LRP1B: variants seen among roughly 807,000 people sequenced by gnomAD.
The protein encoded by LRP1B is LDL receptor related protein 1B.
LRP1B carries 217 observed loss-of-function variants against 556.6 expected under a neutral mutation model. The observed-to-expected ratio is 0.39, with a 90% confidence interval of 0.35 to 0.44. The LOEUF is 0.44. Ranked by LOEUF, LRP1B falls within the 20% of genes least tolerant of loss-of-function variation. The pLI, the probability that LRP1B is intolerant of heterozygous loss-of-function variation, is 1.00. For synonymous variants in LRP1B, 2,047 were observed against 1,865.8 expected, an observed-to-expected ratio of 1.10 and a Z score of -2.50; for missense variants, 5,053 against 5,620.8, an observed-to-expected ratio of 0.90 and a Z score of 3.23.
intron 7 of LRP1B, among the ~76,000 whole-genome samples, chr2:141,158,321 C>A (rs1333381769): frequency 6.6e-6 from 1 of 152,102 alleles, no homozygotes; most frequent in African/African-American, 2.4e-5. Flanking sequence ...GAACTCAAAT[C>A]ATATAATAAA....
intron 30 of LRP1B, 36 bp downstream of exon 30, chr2:140,840,882 T>C (rs1573790015): frequency 2.1e-6 from 3 of 1,417,274 alleles, no homozygotes; most frequent in Non-Finnish European, 9.2e-7. Flanking sequence ...GTCTATGAAA[T>C]TTTGGAAAAA....
At chr2:141,472,292 T>A (rs997029202) in intron 3 of LRP1B, among the ~76,000 whole-genome samples, 6 of 152,198 alleles carry the variant, frequency 3.9e-5, no homozygotes, top group African/African-American at 1.4e-4. Context: ...ATGCCTGTAA[T>A]CCTAGCACTT....
At chr2:140,824,367 G>A (rs186388045) in intron 31 of LRP1B, among the ~76,000 whole-genome samples, 216 of 152,080 alleles carry the variant, frequency 1.4e-3, no homozygotes, top group African/African-American at 4.2e-3. Context: ...AGGGATTACT[G>A]TAAAAATTTT....
At chr2:141,700,610 G>A (rs192348767) in intron 2 of LRP1B, among the ~76,000 whole-genome samples, 1 of 151,794 alleles carries the variant, frequency 6.6e-6, no homozygotes, top group East Asian at 2.0e-4. Context: ...CTTCTCCTGC[G>A]CTATTTCTCA....
At chr2:141,293,962 C>T (rs1686081201) in intron 3 of LRP1B, among the ~76,000 whole-genome samples, 1 of 152,142 alleles carries the variant, frequency 6.6e-6, no homozygotes, top group African/African-American at 2.4e-5. Flanking sequence ...CATGTAGGTA[C>T]ACATCTATTA....
At chr2:141,679,904 T>C (rs1428173465) in intron 2 of LRP1B, among the ~76,000 whole-genome samples, 2 of 151,388 alleles carry the variant, frequency 1.3e-5, no homozygotes, top group Admixed American at 6.6e-5. Context: ...TATGAATAGA[T>C]ACAAATATTA....
At chr2:140,613,056 T>C (rs1683123867) in intron 41 of LRP1B, among the ~76,000 whole-genome samples, 1 of 151,358 alleles carries the variant, frequency 6.6e-6, no homozygotes. Flanking sequence ...TATGTTTTTG[T>C]TTCTCTCTTT....
At chr2:140,999,860 A>G (rs1416287122) in intron 15 of LRP1B, among the ~76,000 whole-genome samples, 1 of 149,914 alleles carries the variant, frequency 6.7e-6, no homozygotes, top group Non-Finnish European at 1.5e-5. Flanking sequence ...GAGGAAAACC[A>G]ATACTGAAAA....
At chr2:141,254,682 A>G (rs745811384) in intron 3 of LRP1B, 41 bp from the exon 4 acceptor site, 11 of 1,452,974 alleles carry the variant, frequency 7.6e-6, no homozygotes, top group Non-Finnish European at 9.5e-6. Context: ...ATTTAACTGT[A>G]TATGTAAATA....
intron 51 of LRP1B, among the ~76,000 whole-genome samples, chr2:140,513,668 C>A (rs1379956034): frequency 8.4e-6 from 1 of 118,508 alleles, no homozygotes; most frequent in Non-Finnish European, 1.9e-5. Flanking sequence ...AAGAGAACTT[C>A]AGTTGAGCTT....
intron 2 of LRP1B, among the ~76,000 whole-genome samples, chr2:141,685,801 G>A (rs1259729298): frequency 1.3e-5 from 2 of 151,912 alleles, no homozygotes; most frequent in Non-Finnish European, 1.5e-5. Context: ...TAAGTTAGCA[G>A]GCTGATTTCA....
chr2:141,305,345 T>C (rs113951845), intron 3 of LRP1B, among the ~76,000 whole-genome samples: 1 of 152,172 alleles, frequency 6.6e-6, no homozygotes, highest in Admixed American at 6.5e-5. Context: ...ATTTTATTTT[T>C]GTAGCTATTG....
intron 3 of LRP1B, among the ~76,000 whole-genome samples, chr2:141,282,489 G>A (rs191414924): frequency 6.6e-6 from 1 of 150,446 alleles, no homozygotes; most frequent in African/African-American, 2.4e-5. Flanking sequence ...ATATGTATAT[G>A]TATATGTATA....
chr2:141,901,710 A>G (rs1699623430), intron 1 of LRP1B, among the ~76,000 whole-genome samples: 1 of 151,916 alleles, frequency 6.6e-6, no homozygotes, highest in African/African-American at 2.4e-5. Context: ...AATTCATGAA[A>G]CCATTATTTG....
At position 140,794,952 on chromosome 2, in the gene LRP1B, T is replaced by A. The variant is rs62173601; in HGVS notation, c.5359+18705A>T. Reference sequence around the variant, plus strand: ...ACTATGGAGCTTTTATATATTCTACTGTTCCTCTAATGGAACTATAAGAAA... The same window carrying A: ...ACTATGGAGCTTTTATATATTCTACAGTTCCTCTAATGGAACTATAAGAAA... On this transcript the variant is annotated intron_variant, in intron 32 of 90. Coordinates refer to ENST00000389484, the MANE Select transcript of LRP1B (RefSeq NM_018557.3). Among the ~76,000 whole-genome samples, 829 of 152,296 alleles carry A rather than the reference T, an allele frequency of 5.4e-3. 4 individuals carry two copies. The highest frequency in any genetic ancestry group is 8.0e-3 in the Non-Finnish European group (544 of 68,028).
chr2:141,128,917 A>G lies in LRP1B; in HGVS notation c.1013+59504T>C, dbSNP rs1044809733. On this transcript the variant is annotated intron_variant, in intron 7 of 90. Coordinates refer to ENST00000389484, the MANE Select transcript of LRP1B (RefSeq NM_018557.3). ...AAGTTATATCATCCTACTAATTCTAATTACCTAAGTGCCTAAAGATATTGC... is the reference window on the plus strand; with the variant it reads ...AAGTTATATCATCCTACTAATTCTAGTTACCTAAGTGCCTAAAGATATTGC... Among the ~76,000 whole-genome samples the G allele has an allele frequency of 2.0e-5, 3 of 152,306 alleles. No individual in the cohort carries two copies. The East Asian group carries it at 5.8e-4, about 29-fold the overall frequency.
At chr2:141,639,349 T>TATATATACACAC (rs1262198983) in intron 2 of LRP1B, among the ~76,000 whole-genome samples, 7 of 56,090 alleles carry the variant, frequency 1.2e-4, no homozygotes, top group Admixed American at 2.6e-4. Context: ...TATATATATA[T>TATATATACACAC]ACACACACAC....
rs950862653 is a variant in LRP1B, at chr2:140,237,994, T to C, written c.13560+158A>G. Among the ~76,000 whole-genome samples, 3 of 150,852 alleles carry C rather than the reference T, an allele frequency of 2.0e-5. No individual in the cohort carries two copies. In the Admixed American group the frequency reaches 2.0e-4, roughly 10 times the overall value. Reference sequence around the variant, plus strand: ...TTCAGGTGAATGCAGTCCATAATTGTACTTTCTCTTTAGAAGAGGCTATAT... The same window carrying C: ...TTCAGGTGAATGCAGTCCATAATTGCACTTTCTCTTTAGAAGAGGCTATAT... On this transcript the variant is annotated intron_variant, in intron 89 of 90. Transcript: ENST00000389484.
intron 23 of LRP1B, among the ~76,000 whole-genome samples, chr2:140,902,719 C>A (rs562865152): frequency 8.6e-4 from 130 of 152,036 alleles, no homozygotes; most frequent in Non-Finnish European, 1.7e-3. Flanking sequence ...CTGATGGTAA[C>A]AATTCAATGG....
Sources: gnomAD v4.1 joint callset for allele counts (sites outside exome capture counted in the v4.1 genomes callset) on GRCh38, gnomAD v4.1.1 for gene constraint, MANE v1.5 for transcripts, NCBI Gene and HGNC (gene_info 2026-07-23, HGNC 2026-07-21) for gene names.